Variants in ZNF536 observed in about 807,000 individuals in gnomAD.
ZNF536 encodes the protein zinc finger protein 536.
A neutral mutation model predicts 84.5 loss-of-function variants in ZNF536; 13 were observed. The ratio of observed to expected loss-of-function variants is 0.15; its 90% CI spans 0.10 to 0.24. The LOEUF is 0.24. ZNF536 is among the 10% of genes least tolerant of loss of function. The probability of loss-of-function intolerance (pLI) is 1.00; values close to 1 mark genes in which losing one functional copy is unlikely to be tolerated. For missense variants in ZNF536, 1,536 were observed against 1,747.5 expected (o/e 0.88, Z 2.16); for synonymous variants, 811 against 742.5 (o/e 1.09, Z -1.50).
exon 2 of ZNF536, chr19:30,712,297 A>G (rs985819303): frequency 6.6e-6 from 1 of 152,166 alleles, no homozygotes; most frequent in Non-Finnish European, 1.5e-5. Flanking sequence ...TTATTCTTGA[A>G]TCTGCTAGCA....
intron 1 of ZNF536, among the ~76,000 whole-genome samples, chr19:30,631,004 C>T (rs944269375): frequency 9.2e-5 from 14 of 152,152 alleles, no homozygotes; most frequent in African/African-American, 3.4e-4. Flanking sequence ...GCCCCTCCCT[C>T]GAGGTGTGCT....
intron 1 of ZNF536, among the ~76,000 whole-genome samples, chr19:30,574,502 C>T (rs1344033319): frequency 6.6e-6 from 1 of 152,186 alleles, no homozygotes; most frequent in Non-Finnish European, 1.5e-5. Flanking sequence ...ATAGCAATGA[C>T]CTCTTTCCCT....
chr19:30,583,697 C>A (rs182887711), intron 1 of ZNF536, among the ~76,000 whole-genome samples: 1 of 152,154 alleles, frequency 6.6e-6, no homozygotes, highest in African/African-American at 2.4e-5. Flanking sequence ...ATGAGGGCAG[C>A]AATCAATGCA....
intron 1 of ZNF536, among the ~76,000 whole-genome samples, chr19:30,437,587 T>A (rs999957766): frequency 1.3e-5 from 2 of 152,024 alleles, no homozygotes; most frequent in Admixed American, 6.6e-5. Flanking sequence ...TTCCACACTG[T>A]CGTGAAGAAT....
At chr19:30,497,603 C>A (rs564346782) in intron 2 of ZNF536, among the ~76,000 whole-genome samples, 7 of 152,324 alleles carry the variant, frequency 4.6e-5, no homozygotes, top group African/African-American at 1.4e-4. Context: ...ATGTATGGAA[C>A]TAAACCCACC....
intron 1 of ZNF536, among the ~76,000 whole-genome samples, chr19:30,413,927 A>G (rs575252349): frequency 1.1e-4 from 16 of 152,038 alleles, no homozygotes; most frequent in African/African-American, 3.6e-4. Flanking sequence ...CCCTGTCTCT[A>G]CTAAAAATAC....
At chr19:30,476,976 A>G (rs1045527199) in intron 2 of ZNF536, among the ~76,000 whole-genome samples, 2 of 149,442 alleles carry the variant, frequency 1.3e-5, no homozygotes, top group Non-Finnish European at 1.5e-5. Context: ...TTTAATAGAG[A>G]TGGGGTCTTG....
At chr19:30,662,263 G>C (rs886082048) in intron 1 of ZNF536, among the ~76,000 whole-genome samples, 1 of 152,190 alleles carries the variant, frequency 6.6e-6, no homozygotes, top group Non-Finnish European at 1.5e-5. Context: ...AACAGACTCG[G>C]TTTGACCTCC....
intron 1 of ZNF536, among the ~76,000 whole-genome samples, chr19:30,425,134 G>T (rs1378643305): frequency 1.3e-5 from 2 of 152,016 alleles, no homozygotes; most frequent in South Asian, 2.1e-4. Flanking sequence ...TACACATTGG[G>T]TACAGTGTAC....
At position 30,297,790 on chromosome 19, in the gene ZNF536, A is replaced by T. The variant is rs374436414; in HGVS notation, c.-120+13649A>T. On this transcript the variant is annotated intron_variant, in intron 2 of 5. Transcript: ENST00000585628. ...CTGTATTGTTATGCATGTGTATAGCATGGGAGCTTGGGCGCCAGGCAGCAG... is the reference window on the plus strand; with the variant it reads ...CTGTATTGTTATGCATGTGTATAGCTTGGGAGCTTGGGCGCCAGGCAGCAG... Among the ~76,000 whole-genome samples the T allele has an allele frequency of 1.2e-4, 18 of 152,160 alleles. No individual in the cohort carries two copies. The East Asian group carries it at 3.5e-3, about 29-fold the overall frequency.
rs564121536 is a variant in ZNF536, at chr19:30,705,406, G to A, written c.170-5351G>A. On this transcript the variant is annotated intron_variant, in intron 1 of 1. Transcript: ENST00000592773. ...GTGTATAAACTAACACATTATGTGT[G>A]TGTGTATGTGTGTTTGAGCCTATAA... 5.9e-5 allele frequency among the ~76,000 whole-genome samples: 9 copies of A among 152,262 alleles called. No homozygotes were observed. In the South Asian group the frequency reaches 1.7e-3, roughly 28 times the overall value.
intron 1 of ZNF536, among the ~76,000 whole-genome samples, chr19:30,685,691 T>C (rs2147861877): frequency 6.6e-6 from 1 of 152,224 alleles, no homozygotes; most frequent in East Asian, 1.9e-4. Flanking sequence ...GTCACTATAG[T>C]ACTGTATATT....
intron 2 of ZNF536, among the ~76,000 whole-genome samples, chr19:30,523,591 C>G (rs1037714842): frequency 6.6e-6 from 1 of 152,206 alleles, no homozygotes; most frequent in African/African-American, 2.4e-5. Flanking sequence ...GAGATAGGGA[C>G]AGTGACAGTG....
At chr19:30,631,696 C>T (rs745676662) in intron 1 of ZNF536, among the ~76,000 whole-genome samples, 3 of 152,062 alleles carry the variant, frequency 2.0e-5, no homozygotes, top group African/African-American at 7.2e-5. Context: ...TTACCAGTGA[C>T]GGGGGATTGG....
chr19:30,687,052 G>A (rs1257370205), intron 1 of ZNF536, among the ~76,000 whole-genome samples: 2 of 152,174 alleles, frequency 1.3e-5, no homozygotes, highest in Admixed American at 6.5e-5. Flanking sequence ...GCCCTTCAGC[G>A]AGGAGATAGC....
chr19:30,554,239 G>A (rs954697844), intron 4 of ZNF536: 11 of 151,048 alleles, frequency 7.3e-5, no homozygotes, highest in African/African-American at 1.7e-4. Context: ...ATAGGCAGTC[G>A]GAGAATACCT....
At chr19:30,271,208 G>A (rs556453293) in intron 1 of ZNF536, among the ~76,000 whole-genome samples, 1 of 151,702 alleles carries the variant, frequency 6.6e-6, no homozygotes, top group Non-Finnish European at 1.5e-5. Context: ...CTTCCTGGTG[G>A]TCTTTCTGTG....
At chr19:30,405,016 G>A (rs1396805360) in intron 1 of ZNF536, among the ~76,000 whole-genome samples, 1 of 152,240 alleles carries the variant, frequency 6.6e-6, no homozygotes, top group Non-Finnish European at 1.5e-5. Context: ...TACAAAGGAT[G>A]TGGGTGAAGA....
At chr19:30,312,187 A>G (rs2146106248) in intron 2 of ZNF536, among the ~76,000 whole-genome samples, 1 of 152,214 alleles carries the variant, frequency 6.6e-6, no homozygotes, top group South Asian at 2.1e-4. Flanking sequence ...GCAGGTGGAG[A>G]GAGGCGGTGC....
Sources: allele counts gnomAD v4.1 joint callset (sites outside exome capture counted in the v4.1 genomes callset), GRCh38; gene constraint gnomAD v4.1.1; transcripts MANE v1.5; gene names NCBI Gene and HGNC (gene_info 2026-07-23, HGNC 2026-07-21).